Variants in CDH1 observed in about 807,000 individuals in gnomAD.
CDH1 encodes the protein cadherin-1.
CDH1 carries 35 observed loss-of-function variants against 84.5 expected under a neutral mutation model. The ratio of observed to expected loss-of-function variants is 0.41; its 90% confidence interval spans 0.32 to 0.55. The LOEUF (loss-of-function observed/expected upper bound fraction) is 0.55, where lower values mean the gene tolerates loss of function less well. CDH1 is among the 20% of genes least tolerant of loss of function. CDH1 has a pLI of 0.19. For missense variants in CDH1, 994 were observed against 1,126.6 expected (o/e 0.88, Z 1.68); for synonymous variants, 417 against 439.0 (o/e 0.95, Z 0.63).
At chr16:68,750,150 C>CTTTTTTTTTTTTTTTTTTTTTTTTTTTT (rs34551002) in intron 2 of CDH1, among the ~76,000 whole-genome samples, 2 of 79,160 alleles carry the variant, frequency 2.5e-5, no homozygotes, top group Non-Finnish European at 5.2e-5. Context: ...TAGAATTCAG[C>CTTTTTTTTTTTTTTTTTTTTTTTTTTTT]TTTTTTTTTT....
chr16:68,774,810 T>C (rs540811888), intron 2 of CDH1, among the ~76,000 whole-genome samples: 3 of 152,102 alleles, frequency 2.0e-5, no homozygotes, highest in Non-Finnish European at 2.9e-5. Flanking sequence ...ATTTCAACCA[T>C]TGGTGTGGTT....
chr16:68,831,395 T>C (rs1208486265), intron 15 of CDH1, among the ~76,000 whole-genome samples: 1 of 151,588 alleles, frequency 6.6e-6, no homozygotes, highest in Non-Finnish European at 1.5e-5. Context: ...CGGACTGCTT[T>C]AGCTTTCTAT....
intron 2 of CDH1, among the ~76,000 whole-genome samples, chr16:68,761,921 C>G (rs1959231852): frequency 6.6e-6 from 1 of 152,176 alleles, no homozygotes; most frequent in Non-Finnish European, 1.5e-5. Context: ...AGGACTTTGT[C>G]TTTCACTTGG....
At chr16:68,789,871 C>A (rs887770044) in intron 2 of CDH1, among the ~76,000 whole-genome samples, 3 of 151,990 alleles carry the variant, frequency 2.0e-5, no homozygotes, top group Non-Finnish European at 4.4e-5. Flanking sequence ...ACCTGCCCGA[C>A]CAACATGGAG....
chr16:68,786,593 T>C (rs987491039), intron 2 of CDH1, among the ~76,000 whole-genome samples: 5 of 142,694 alleles, frequency 3.5e-5, no homozygotes, highest in African/African-American at 1.3e-4. Context: ...AGGCTTCATT[T>C]CTCAGGAGCC....
intron 2 of CDH1, among the ~76,000 whole-genome samples, chr16:68,786,929 T>A (rs1019865752): frequency 1.3e-5 from 2 of 152,186 alleles, no homozygotes; most frequent in African/African-American, 4.8e-5. Flanking sequence ...TCCGAGCCTT[T>A]CCAGCACAGC....
chr16:68,777,795 A>G (rs1959776140), intron 2 of CDH1, among the ~76,000 whole-genome samples: 1 of 151,940 alleles, frequency 6.6e-6, no homozygotes, highest in South Asian at 2.1e-4. Context: ...GCAGTGGCAC[A>G]ATTTCAGCTC....
chr16:68,737,336 G>C lies in CDH1; in HGVS notation c.-80G>C, dbSNP rs2152113845. The C allele has an allele frequency of 7.9e-7, 1 of 1,258,570 alleles. No individual in the cohort carries two copies. The highest frequency in any genetic ancestry group is 1.1e-6 in the Non-Finnish European group (1 of 910,044). 78.0% of individuals were successfully genotyped at this position (1,258,570 alleles called of 1,614,324 possible). The stretch of plus-strand genomic sequence containing the variant: ...AGCACCTGTGAGCTTGCGGAAGTCA[G>C]TTCAGACTCCAGCCCGCTCCAGCCC... On this transcript the variant is annotated 5_prime_UTR_variant, in exon 1 of 16. Transcript: ENST00000261769.
chr16:68,821,748 C>T (rs1469177978), intron 11 of CDH1, among the ~76,000 whole-genome samples: 1 of 151,988 alleles, frequency 6.6e-6, no homozygotes, highest in Non-Finnish European at 1.5e-5. Context: ...GGAGTGTGTT[C>T]TTGGTGTGAG....
Position 68,738,964 on chromosome 16 carries a change from T to TAAA in CDH1, c.163+554_163+556dup, listed in dbSNP as rs1555509829. 3.1e-5 allele frequency among the ~76,000 whole-genome samples: 2 copies of TAAA among 65,364 alleles called. 1 individual carries two copies. The highest frequency in any genetic ancestry group is 1.1e-4 in the African/African-American group (2 of 17,682). The allele number at this position is 65,364 out of a possible 152,430, so 42.9% of individuals were successfully genotyped here. On this transcript the variant is annotated intron_variant, in intron 2 of 15. Coordinates refer to ENST00000261769, the MANE Select transcript of CDH1 (RefSeq NM_004360.5). ...TTTTTTTTTTTTTTTTTTTTTTTTT[T>TAAA]AAAGACAGGGTCTTGCTCTGTTGCC...
chr16:68,829,160 G>A (rs896031889), intron 14 of CDH1, among the ~76,000 whole-genome samples: 1 of 152,152 alleles, frequency 6.6e-6, no homozygotes, highest in Non-Finnish European at 1.5e-5. Context: ...AGCAGATTTA[G>A]GCAGAGTTTA....
chr16:68,833,612 G>T lies in CDH1; in HGVS notation c.*113G>T. 2 of 805,414 alleles carry T rather than the reference G, an allele frequency of 2.5e-6. No homozygotes were observed. The highest frequency in any genetic ancestry group is 4.3e-6 in the Non-Finnish European group (2 of 463,408). 49.9% of individuals were successfully genotyped at this position (805,414 alleles called of 1,614,324 possible). A position where few individuals can be genotyped will look rare whatever the true frequency, so the allele number is the denominator to read the frequency against. ...GATGAGTTTCTGGGGAAAAAAAAGA[G>T]ACTGGTTAGTGATGCAGTTAGTATA... On this transcript the variant is annotated 3_prime_UTR_variant, in exon 16 of 16. Transcript: ENST00000261769.
intron 2 of CDH1, among the ~76,000 whole-genome samples, chr16:68,757,129 C>G: frequency 6.6e-6 from 1 of 152,164 alleles, no homozygotes; most frequent in Non-Finnish European, 1.5e-5. Context: ...TGCTCTGTCA[C>G]CCAGGCTGGA....
At chr16:68,819,228 T>C in intron 10 of CDH1, 52 bp from the exon 11 acceptor site, 1 of 1,609,128 alleles carries the variant, frequency 6.2e-7, no homozygotes, top group Non-Finnish European at 8.5e-7. Context: ...CGTTTTCAGC[T>C]ACATGTTGTT....
intron 15 of CDH1, among the ~76,000 whole-genome samples, chr16:68,830,193 T>C (rs1961450155): frequency 6.6e-6 from 1 of 152,152 alleles, no homozygotes; most frequent in East Asian, 1.9e-4. Flanking sequence ...ACTCAGGTGA[T>C]CCACCTGCCT....
intron 2 of CDH1, among the ~76,000 whole-genome samples, chr16:68,753,085 C>T (rs920050382): frequency 6.6e-6 from 1 of 151,814 alleles, no homozygotes. Context: ...TGGTGGCTCA[C>T]GCCTGTAATC....
intron 2 of CDH1, among the ~76,000 whole-genome samples, chr16:68,796,039 T>C (rs1188323545): frequency 1.3e-5 from 2 of 151,830 alleles, no homozygotes; most frequent in Non-Finnish European, 2.9e-5. Context: ...GGCAGGCACC[T>C]GTAATCCCAG....
chr16:68,779,149 C>T (rs748298866), intron 2 of CDH1, among the ~76,000 whole-genome samples: 1 of 152,202 alleles, frequency 6.6e-6, no homozygotes, highest in South Asian at 2.1e-4. Context: ...GGTCAGACAT[C>T]AACACCGCCT....
chr16:68,743,345 TTC>T (rs1567474014), intron 2 of CDH1, among the ~76,000 whole-genome samples: 2 of 21,932 alleles, frequency 9.1e-5, no homozygotes, highest in African/African-American at 3.4e-4. Context: ...CTTTCTTTCT[TTC>T]TTTCTTTCTT....
Sources: allele counts gnomAD v4.1 joint callset (sites outside exome capture counted in the v4.1 genomes callset), GRCh38; gene constraint gnomAD v4.1.1; transcripts MANE v1.5; gene names NCBI Gene and HGNC (gene_info 2026-07-23, HGNC 2026-07-21).